The following SLC18A3 variants were observed in gnomAD, a reference collection of about 807,000 sequenced individuals.
SLC18A3 encodes the protein solute carrier family 18 member A3, also known as vesicular acetylcholine transporter.
In SLC18A3, 18 loss-of-function variants were observed where a neutral mutation model predicts 24.2. That is an observed-to-expected ratio of 0.74 (90% CI 0.51 to 1.10). SLC18A3 has a LOEUF of 1.10. Ranked by LOEUF, SLC18A3 falls within the 50% of genes least tolerant of loss-of-function variation. The pLI, the probability that SLC18A3 is intolerant of heterozygous loss-of-function variation, is 0.00. For synonymous variants in SLC18A3, 415 were observed against 355.4 expected (o/e 1.17, Z -1.89); for missense variants, 744 against 750.7 (o/e 0.99, Z 0.10).
chr10:49,610,595 C>A lies in SLC18A3; in HGVS notation c.-146C>A. The A allele has an allele frequency of 1.4e-6, 1 of 716,520 alleles. No homozygotes were observed. Among genetic ancestry groups the A allele is most frequent in the Non-Finnish European group, 2.1e-6 (1 of 474,700 alleles). The allele number at this position is 716,520 out of a possible 1,614,324, so 44.4% of individuals were successfully genotyped here. On this transcript the variant is annotated 5_prime_UTR_variant, in exon 1 of 1. Transcript: ENST00000374115. ...CCTTTCCTTTCCCGGGACGCTGGGCCATGAGCTCCGCGGCCACCTGAGGCA... is the reference window on the plus strand; with the variant it reads ...CCTTTCCTTTCCCGGGACGCTGGGCAATGAGCTCCGCGGCCACCTGAGGCA...
At position 49,612,394 on chromosome 10, in the gene SLC18A3, T is replaced by A; in HGVS notation, c.*55T>A. On this transcript the variant is annotated 3_prime_UTR_variant, in exon 1 of 1. Transcript: ENST00000374115. Reference sequence around the variant, plus strand: ...CCGCCTTGGGTCAAGGGGGCTGCTCTGCAAGCCCACTGGCCAGCTCTGGCT... The same window carrying A: ...CCGCCTTGGGTCAAGGGGGCTGCTCAGCAAGCCCACTGGCCAGCTCTGGCT... 2.0e-6 allele frequency: 3 copies of A among 1,507,486 alleles called. No individual in the cohort carries two copies. Among genetic ancestry groups the A allele is most frequent in the Non-Finnish European group, 1.8e-6 (2 of 1,117,904 alleles). The allele number at this position is 1,507,486 out of a possible 1,614,324, so 93.4% of individuals were successfully genotyped here. A position where few individuals can be genotyped will look rare whatever the true frequency, so the allele number is the denominator to read the frequency against.
Position 49,611,148 on chromosome 10 carries a change from G to A in SLC18A3, c.408G>A (p.Leu136=), listed in dbSNP as rs1311479958. The A allele has an allele frequency of 3.7e-6, 6 of 1,614,058 alleles. No individual in the cohort carries two copies. Among genetic ancestry groups the A allele is most frequent in the Non-Finnish European group, 5.1e-6 (6 of 1,180,004 alleles). Residue 136 remains leucine (L), a synonymous_variant, in exon 1 of 1, where the codon CTG becomes CTA. Transcript: ENST00000374115. The part of the protein sequence containing the change: ...VLFASKAILQ[L]LVNPLSGPFI... ...TTGCTTCCAAGGCTATCCTGCAGCT[G>A]CTAGTGAACCCCTTGAGCGGGCCCT...
At position 49,611,189 on chromosome 10, in the gene SLC18A3, G is replaced by A. The variant is rs2132686459; in HGVS notation, c.449G>A (p.Ser150Asn). ...AGCGGGCCCTTCATCGACCGCATGA[G>A]CTACGACGTGCCGCTGCTGATCGGC... The part of the protein sequence containing the change: ...PLSGPFIDRM[S>N]YDVPLLIGLG... Residue 150 changes from serine to asparagine, a missense_variant, in exon 1 of 1, where the codon AGC (serine) becomes AAC (asparagine). Transcript: ENST00000374115. 1.2e-6 allele frequency: 2 copies of A among 1,614,154 alleles called. No homozygotes were observed. Among genetic ancestry groups the A allele is most frequent in the East Asian group, 2.2e-5 (1 of 44,872 alleles).
Position 49,610,531 on chromosome 10 carries a change from A to C in SLC18A3, c.-210A>C. 2.2e-6 allele frequency: 1 copy of C among 455,578 alleles called. No individual in the cohort carries two copies. Among genetic ancestry groups the C allele is most frequent in the Non-Finnish European group, 3.7e-6 (1 of 268,874 alleles). 28.2% of individuals were successfully genotyped at this position (455,578 alleles called of 1,614,324 possible). A position where few individuals can be genotyped will look rare whatever the true frequency, so the allele number is the denominator to read the frequency against. On this transcript the variant is annotated 5_prime_UTR_variant, in exon 1 of 1. Coordinates refer to ENST00000374115, the MANE Select transcript of SLC18A3 (RefSeq NM_003055.3). Reference sequence around the variant, plus strand: ...GAGCCCAGCAGCCGCGGGTCCCGGGATCGGCTAAGAGTAGCTGCAACGCCT... The same window carrying C: ...GAGCCCAGCAGCCGCGGGTCCCGGGCTCGGCTAAGAGTAGCTGCAACGCCT...
At position 49,611,391 on chromosome 10, in the gene SLC18A3, G is replaced by A. The variant is rs760191637; in HGVS notation, c.651G>A (p.Ala217=). 1.9e-6 allele frequency: 3 copies of A among 1,598,738 alleles called. No individual in the cohort carries two copies. The highest frequency in any genetic ancestry group is 1.3e-5 in the African/African-American group (1 of 74,918). The change falls in exon 1 of 1, where the codon GCG becomes GCA. Residue 217 remains alanine, a synonymous_variant. Coordinates refer to ENST00000374115, the MANE Select transcript of SLC18A3 (RefSeq NM_003055.3). ...EPERSRALGV[A]LAFISFGSLV... ...AGCGCAGTCGTGCACTGGGCGTGGC[G>A]CTGGCCTTCATTAGCTTCGGAAGCC...
chr10:49,611,579 C>G lies in SLC18A3; in HGVS notation c.839C>G (p.Thr280Ser). 1 of 1,608,598 alleles carries G rather than the reference C, an allele frequency of 6.2e-7. No homozygotes were observed. The highest frequency in any genetic ancestry group is 2.2e-5 in the East Asian group (1 of 44,870). Residue 280 changes from threonine to serine, a missense_variant, in exon 1 of 1, where the codon ACT becomes AGT. By Grantham distance (58) the Thr-to-Ser change is moderately conservative. Coordinates refer to ENST00000374115, the MANE Select transcript of SLC18A3 (RefSeq NM_003055.3). ...GCTCGGGCCAACCTGCCAGTGGGCA[C>G]TCCCATCCACCGCCTCATGCTAGAC... is the stretch of plus-strand genomic sequence containing the variant. ...ARARANLPVG[T>S]PIHRLMLDPY...
In SLC18A3 at chr10:49,611,038, T is replaced by C; in HGVS notation, c.298T>C (p.Ser100Pro). Residue 100 changes from serine to proline, a missense_variant, in exon 1 of 1, where the codon TCC (serine) becomes CCC (proline). Ser to Pro is a moderately conservative substitution (Grantham distance 74). Coordinates refer to ENST00000374115, the MANE Select transcript of SLC18A3 (RefSeq NM_003055.3). ...ASAYTANTSASPTAAWPAGSA... is the reference protein window; with the variant it reads ...ASAYTANTSAPPTAAWPAGSA... ...CGCCTACACGGCCAACACCTCGGCG[T>C]CCCCGACAGCTGCGTGGCCAGCGGG... 1 of 1,613,918 alleles carries C rather than the reference T, an allele frequency of 6.2e-7. No homozygotes were observed. Among genetic ancestry groups the C allele is most frequent in the Non-Finnish European group, 8.5e-7 (1 of 1,179,932 alleles).
Position 49,610,756 on chromosome 10 carries a change from C to T in SLC18A3, c.16C>T (p.Pro6Ser). The T allele has an allele frequency of 6.5e-7, 1 of 1,531,706 alleles. No individual in the cohort carries two copies. Among genetic ancestry groups the T allele is most frequent in the Non-Finnish European group, 8.8e-7 (1 of 1,142,788 alleles). The allele number at this position is 1,531,706 out of a possible 1,614,324, so 94.9% of individuals were successfully genotyped here. A position where few individuals can be genotyped will look rare whatever the true frequency, so the allele number is the denominator to read the frequency against. ...GGGTGGGGGCATGGAATCCGCGGAACCTGCGGGCCAGGCCCGGGCGGCGGC... is the reference window on the plus strand; with the variant it reads ...GGGTGGGGGCATGGAATCCGCGGAATCTGCGGGCCAGGCCCGGGCGGCGGC... MESAE[P>S]AGQARAAATK... is the part of the protein sequence containing the mutation. The change falls in exon 1 of 1, where the codon CCT becomes TCT. Residue 6 changes from proline to serine, a missense_variant. Pro to Ser is a moderately conservative substitution (Grantham distance 74). This residue lies in a region of SLC18A3 where 566 missense variants were observed against 566.2 expected (regional missense o/e 1.00). Transcript: ENST00000374115.
In SLC18A3 at chr10:49,610,767, G is replaced by A. The variant is rs1299057817; in HGVS notation, c.27G>A (p.Gln9=). The A allele has an allele frequency of 1.9e-6, 3 of 1,555,120 alleles. No individual in the cohort carries two copies. Among genetic ancestry groups the A allele is most frequent in the African/African-American group, 2.7e-5 (2 of 73,588 alleles). The change falls in exon 1 of 1, where the codon CAG becomes CAA. Residue 9 remains glutamine, a synonymous_variant. Transcript: ENST00000374115. The part of the protein sequence containing the change: MESAEPAG[Q]ARAAATKLSE... ...TGGAATCCGCGGAACCTGCGGGCCAGGCCCGGGCGGCGGCCACCAAGCTGT... is the reference window on the plus strand; with the variant it reads ...TGGAATCCGCGGAACCTGCGGGCCAAGCCCGGGCGGCGGCCACCAAGCTGT...
chr10:49,611,274 G>C lies in SLC18A3; in HGVS notation c.534G>C (p.Leu178=), dbSNP rs749642076. The change falls in exon 1 of 1, where the codon CTG becomes CTC. Residue 178 remains leucine, a synonymous_variant. Coordinates refer to ENST00000374115, the MANE Select transcript of SLC18A3 (RefSeq NM_003055.3). Reference sequence around the variant, plus strand: ...CCTTCGCCGAGGACTACGCCACGCTGTTCGCGGCGCGCAGCCTGCAGGGCC... The same window carrying C: ...CCTTCGCCGAGGACTACGCCACGCTCTTCGCGGCGCGCAGCCTGCAGGGCC... ...LFAFAEDYAT[L]FAARSLQGLG... is the part of the protein sequence containing the mutation. 1 of 1,611,404 alleles carries C rather than the reference G, an allele frequency of 6.2e-7. No individual in the cohort carries two copies. Among genetic ancestry groups the C allele is most frequent in the Non-Finnish European group, 8.5e-7 (1 of 1,179,966 alleles).
chr10:49,610,885 C>T lies in SLC18A3; in HGVS notation c.145C>T (p.Leu49=). The change falls in exon 1 of 1, where the codon CTG becomes TTG. Residue 49 remains leucine, a synonymous_variant. Transcript: ENST00000374115. ...CGTGGCGCTGTTACTGGACAACATG[C>T]TGTACATGGTCATCGTGCCCATAGT... The part of the protein sequence containing the change: ...VCVALLLDNM[L]YMVIVPIVPD... The T allele has an allele frequency of 5.6e-6, 9 of 1,613,270 alleles. No homozygotes were observed. The highest frequency in any genetic ancestry group is 6.8e-6 in the Non-Finnish European group (8 of 1,179,556).
chr10:49,612,245 G>A lies in SLC18A3; in HGVS notation c.1505G>A (p.Arg502His), dbSNP rs762753479. 2.6e-5 allele frequency: 42 copies of A among 1,609,974 alleles called. No individual in the cohort carries two copies. The highest frequency in any genetic ancestry group is 2.3e-5 in the Non-Finnish European group (27 of 1,180,018). The part of the protein sequence containing the change: ...GLYDAVRLRE[R>H]PVSGQDGEPR... Reference sequence around the variant, plus strand: ...TACGATGCGGTGCGCCTGCGTGAGCGTCCTGTGTCTGGCCAGGACGGCGAG... The same window carrying A: ...TACGATGCGGTGCGCCTGCGTGAGCATCCTGTGTCTGGCCAGGACGGCGAG... Residue 502 changes from arginine (R) to histidine (H), a missense_variant, in exon 1 of 1, where the codon CGT becomes CAT. This residue lies in a region of SLC18A3 where 160 missense variants were observed against 140.9 expected (regional missense o/e 1.14). Transcript: ENST00000374115.
In SLC18A3 at chr10:49,611,455, G is replaced by T. The variant is rs775213086; in HGVS notation, c.715G>T (p.Ala239Ser). ...PPFGGILYEFAGKRVPFLVLA... is the reference protein window; with the variant it reads ...PPFGGILYEFSGKRVPFLVLA... ...CTTCGGGGGCATCCTCTATGAGTTCGCCGGCAAGCGCGTGCCCTTCTTGGT... is the reference window on the plus strand; with the variant it reads ...CTTCGGGGGCATCCTCTATGAGTTCTCCGGCAAGCGCGTGCCCTTCTTGGT... The change falls in exon 1 of 1, where the codon GCC becomes TCC. Residue 239 changes from alanine to serine, a missense_variant. Ala to Ser is a moderately conservative substitution (Grantham distance 99). This residue lies in a region of SLC18A3 where 566 missense variants were observed against 566.2 expected (regional missense o/e 1.00). Transcript: ENST00000374115. The T allele has an allele frequency of 1.3e-4, 201 of 1,598,308 alleles. No individual in the cohort carries two copies. The highest frequency in any genetic ancestry group is 1.6e-4 in the Non-Finnish European group (184 of 1,179,376).
In SLC18A3 at chr10:49,612,455, T is replaced by A; in HGVS notation, c.*116T>A. On this transcript the variant is annotated 3_prime_UTR_variant, in exon 1 of 1. Transcript: ENST00000374115. ...CTCCTCCAGCGAGTACCCCAGCCACTCCTCAACCTTGACTTCTGCCCAAAT... is the reference window on the plus strand; with the variant it reads ...CTCCTCCAGCGAGTACCCCAGCCACACCTCAACCTTGACTTCTGCCCAAAT... The A allele has an allele frequency of 9.8e-7, 1 of 1,025,284 alleles. No homozygotes were observed. The highest frequency in any genetic ancestry group is 1.4e-6 in the Non-Finnish European group (1 of 692,410). 63.5% of individuals were successfully genotyped at this position (1,025,284 alleles called of 1,614,324 possible).
At position 49,611,518 on chromosome 10, in the gene SLC18A3, C is replaced by A. The variant is rs763428286; in HGVS notation, c.778C>A (p.Leu260Met). Reference protein sequence around the residue: ...AVSLFDALLLLAVAKPFSAAA... With the variant: ...AVSLFDALLLMAVAKPFSAAA... ...GTCGCTCTTTGACGCGCTGTTGCTG[C>A]TGGCAGTGGCCAAACCCTTCTCGGC... The change falls in exon 1 of 1, where the codon CTG becomes ATG. Residue 260 changes from leucine (L) to methionine (M), a missense_variant. By Grantham distance (15) the Leu-to-Met change is conservative (BLOSUM62 2). Transcript: ENST00000374115. The A allele has an allele frequency of 6.2e-7, 1 of 1,601,772 alleles. No individual in the cohort carries two copies. The highest frequency in any genetic ancestry group is 1.1e-5 in the South Asian group (1 of 91,082).
Position 49,612,176 on chromosome 10 carries a change from G to T in SLC18A3, c.1436G>T (p.Arg479Leu), listed in dbSNP as rs563318974. 4 of 1,610,170 alleles carry T rather than the reference G, an allele frequency of 2.5e-6. No homozygotes were observed. Among genetic ancestry groups the T allele is most frequent in the Middle Eastern group, 1.6e-4 (1 of 6,062 alleles). ...AACGTGGGCCTCCTGACGCGCTCCC[G>T]TTCCGAGCGCGATGTGCTGCTTGAT... ...LRNVGLLTRSRSERDVLLDEP... is the reference protein window; with the variant it reads ...LRNVGLLTRSLSERDVLLDEP... Residue 479 changes from arginine (R) to leucine (L), a missense_variant, in exon 1 of 1, where the codon CGT (arginine) becomes CTT (leucine). By Grantham distance (102) the Arg-to-Leu change is moderately radical (BLOSUM62 -2). Transcript: ENST00000374115.
At position 49,610,926 on chromosome 10, in the gene SLC18A3, C is replaced by G. The variant is rs771775048; in HGVS notation, c.186C>G (p.Ala62=). ...TGCCCATAGTGCCCGACTACATCGC[C>G]CACATGCGCGGGGGCGGCGAGGGCC... ...VIVPIVPDYI[A]HMRGGGEGPT... Residue 62 remains alanine (A), a synonymous_variant, in exon 1 of 1, where the codon GCC becomes GCG. Transcript: ENST00000374115. 6.2e-7 allele frequency: 1 copy of G among 1,611,422 alleles called. No individual in the cohort carries two copies. The highest frequency in any genetic ancestry group is 8.5e-7 in the Non-Finnish European group (1 of 1,178,308).
Position 49,612,188 on chromosome 10 carries a change from A to T in SLC18A3, c.1448A>T (p.Asp483Val), listed in dbSNP as rs761525631. ...GLLTRSRSER[D>V]VLLDEPPQGL... ...CTGACGCGCTCCCGTTCCGAGCGCG[A>T]TGTGCTGCTTGATGAGCCACCGCAA... Residue 483 changes from aspartate to valine, a missense_variant, in exon 1 of 1, where the codon GAT (aspartate) becomes GTT (valine). This residue lies in a region of SLC18A3 where 160 missense variants were observed against 140.9 expected (regional missense o/e 1.14). Transcript: ENST00000374115. 1 of 1,609,652 alleles carries T rather than the reference A, an allele frequency of 6.2e-7. No individual in the cohort carries two copies. The highest frequency in any genetic ancestry group is 8.5e-7 in the Non-Finnish European group (1 of 1,179,970).
chr10:49,612,585 CCT>C lies in SLC18A3; in HGVS notation c.*247_*248del, dbSNP rs1341585523. 7.9e-6 allele frequency: 4 copies of C among 509,344 alleles called. No homozygotes were observed. The East Asian group carries it at 1.3e-4, about 16-fold the overall frequency. 31.6% of individuals were successfully genotyped at this position (509,344 alleles called of 1,614,324 possible). On this transcript the variant is annotated 3_prime_UTR_variant, in exon 1 of 1. Transcript: ENST00000374115. ...CGCTCCTTGCGGAGGTGAAGAGGAC[CCT>C]GAGTCCCCACCTGCGGCTCCCCTGT...
Sources: gnomAD v4.1 joint callset for allele counts on GRCh38, gnomAD v4.1.1 for gene constraint, gnomAD v4.1.1 regional missense constraint, MANE v1.5 for transcripts, NCBI Gene and HGNC (gene_info 2026-07-23, HGNC 2026-07-21) for gene names.